ANKRD36C: variants seen among roughly 807,000 people sequenced by gnomAD.
ANKRD36C encodes the protein ankyrin repeat domain-containing protein 36C.
ANKRD36C carries 61 observed loss-of-function variants against 276.4 expected under a neutral mutation model. The observed-to-expected ratio is 0.22, with a 90% CI of 0.18 to 0.27. The LOEUF is 0.27. Ranked by LOEUF, ANKRD36C falls within the 10% of genes least tolerant of loss-of-function variation. The pLI is 1.00. For synonymous variants in ANKRD36C, 483 were observed against 680.1 expected, an observed-to-expected ratio of 0.71 and a Z score of 4.51; for missense variants, 1,447 against 2,032.3, an observed-to-expected ratio of 0.71 and a Z score of 5.54.
At chr2:95,892,044 T>C (rs1448359404) in intron 44 of ANKRD36C, among the ~76,000 whole-genome samples, 184 bp from the exon 65 acceptor site, 1 of 151,552 alleles carries the variant, frequency 6.6e-6, no homozygotes, top group African/African-American at 2.4e-5. Flanking sequence ...GAATACAGGC[T>C]CCATGAAATA....
At chr2:95,871,423 A>T (rs1675808884) in intron 59 of ANKRD36C, among the ~76,000 whole-genome samples, 1 of 152,192 alleles carries the variant, frequency 6.6e-6, no homozygotes, top group Non-Finnish European at 1.5e-5. Flanking sequence ...ACTAAGCTTC[A>T]TAAGTGAAGG....
chr2:95,934,022 T>C (rs1208061132), intron 24 of ANKRD36C, among the ~76,000 whole-genome samples: 1 of 152,300 alleles, frequency 6.6e-6, no homozygotes, highest in Non-Finnish European at 1.5e-5. Flanking sequence ...TCACTGATCA[T>C]TAGAGAAATG....
At chr2:95,893,828 A>C in intron 44 of ANKRD36C, 104 bp from the exon 63 acceptor site, 1 of 1,572,798 alleles carries the variant, frequency 6.4e-7, no homozygotes, top group Non-Finnish European at 8.6e-7. Context: ...TGCCTGTATT[A>C]GCGTAGGCTT....
intron 24 of ANKRD36C, 142 bp from the exon 25 acceptor site, chr2:95,929,409 T>A (rs1270367608): frequency 1.8e-5 from 11 of 623,426 alleles, no homozygotes; most frequent in Non-Finnish European, 3.1e-5. Flanking sequence ...ATACTTTGTT[T>A]CTTGGGACTA....
intron 59 of ANKRD36C, among the ~76,000 whole-genome samples, chr2:95,874,147 A>G (rs1182158621): frequency 1.3e-5 from 2 of 152,112 alleles, no homozygotes; most frequent in Non-Finnish European, 2.9e-5. Flanking sequence ...CAAGCTCCCA[A>G]AGACTTTCTT....
chr2:95,911,893 C>T (rs1044580330), intron 42 of ANKRD36C, among the ~76,000 whole-genome samples: 165 of 151,352 alleles, frequency 1.1e-3, no homozygotes, highest in Non-Finnish European at 1.7e-3. Context: ...TTTAGCACTA[C>T]GATGTGACGT....
chr2:95,930,540 T>C (rs1258031946), intron 24 of ANKRD36C, among the ~76,000 whole-genome samples: 2 of 151,568 alleles, frequency 1.3e-5, no homozygotes, highest in African/African-American at 2.4e-5. Flanking sequence ...TGCAAAAACA[T>C]ACACATCAAT....
chr2:95,890,533 G>C (rs924632303), intron 46 of ANKRD36C, among the ~76,000 whole-genome samples: 28 of 151,620 alleles, frequency 1.8e-4, no homozygotes, highest in African/African-American at 6.8e-4. Context: ...ATATCTGCTT[G>C]CTGATACCTA....
intron 36 of ANKRD36C, among the ~76,000 whole-genome samples, chr2:95,917,024 T>C (rs1201058214): frequency 1.3e-5 from 2 of 151,628 alleles, no homozygotes; most frequent in Non-Finnish European, 3.0e-5. Flanking sequence ...AATAGCCTTG[T>C]TGGGAGTATC....
chr2:95,850,247 A>C (rs1675262514), downstream of ANKRD36C, among the ~76,000 whole-genome samples: 1 of 152,294 alleles, frequency 6.6e-6, no homozygotes, highest in South Asian at 2.1e-4. Flanking sequence ...GTACTAGGAC[A>C]AGCACTGGAA....
rs1677200782 is a variant in ANKRD36C at position 95,919,271 on chromosome 2, T to C, written c.2246-1229A>G. Reference sequence around the variant, plus strand: ...TTCCTGCCTGACAATCCATCATCCTTGGGAAAATAATTGCTACATCAGGGG... The same window carrying C: ...TTCCTGCCTGACAATCCATCATCCTCGGGAAAATAATTGCTACATCAGGGG... On this transcript the variant is annotated intron_variant, in intron 34 of 66. Transcript: ENST00000456556. Among the ~76,000 whole-genome samples the C allele has an allele frequency of 1.5e-5, 2 of 133,586 alleles. 1 individual carries two copies. 87.6% of individuals were successfully genotyped at this position (133,586 alleles called of 152,430 possible). A position where few individuals can be genotyped will look rare whatever the true frequency, so the allele number is the denominator to read the frequency against.
chr2:95,903,258 T>C lies in ANKRD36C; in HGVS notation c.2654-3922A>G, dbSNP rs1248443139. On this transcript the variant is annotated intron_variant, in intron 42 of 66. Coordinates refer to ENST00000456556, the Ensembl canonical transcript of ANKRD36C. ...ACGGAAATATGCTGAGAAAAGGGAA[T>C]ACAGGCTCCACGAAATATAGTCTTA... Among the ~76,000 whole-genome samples, 2 of 150,566 alleles carry C rather than the reference T, an allele frequency of 1.3e-5. 1 individual carries two copies. Among genetic ancestry groups the C allele is most frequent in the Non-Finnish European group, 3.0e-5 (2 of 67,336 alleles).
intron 44 of ANKRD36C, chr2:95,893,576 C>T (rs1431455449): frequency 6.4e-7 from 1 of 1,566,814 alleles, no homozygotes; most frequent in South Asian, 1.2e-5. Flanking sequence ...TGGCTATATT[C>T]AAAACAGAAT....
chr2:95,953,340 C>A (rs1318701062), intron 14 of ANKRD36C, among the ~76,000 whole-genome samples: 1 of 152,056 alleles, frequency 6.6e-6, no homozygotes, highest in Non-Finnish European at 1.5e-5. Flanking sequence ...ATAGGTGGGA[C>A]TACAGGCACA....
At chr2:95,927,584 G>A (rs913853910) in intron 26 of ANKRD36C, among the ~76,000 whole-genome samples, 175 bp from the exon 27 acceptor site, 9 of 151,512 alleles carry the variant, frequency 5.9e-5, no homozygotes, top group African/African-American at 1.7e-4. Flanking sequence ...GAAAAAAAAG[G>A]AATACAGCCT....
At chr2:95,893,807 C>T (rs1055874933) in intron 44 of ANKRD36C, 83 bp from the exon 63 acceptor site, 2 of 1,591,852 alleles carry the variant, frequency 1.3e-6, no homozygotes, top group Non-Finnish European at 1.7e-6. Context: ...TAGCATCAAA[C>T]TCTGTCCTCC....
At chr2:95,911,818 C>A (rs1676935072) in intron 42 of ANKRD36C, among the ~76,000 whole-genome samples, 1 of 151,448 alleles carries the variant, frequency 6.6e-6, no homozygotes, top group African/African-American at 2.4e-5. Flanking sequence ...ATTGCTACAT[C>A]AGGGGTCTCC....
intron 13 of ANKRD36C, among the ~76,000 whole-genome samples, chr2:95,955,599 C>A (rs530913739): frequency 1.2e-4 from 18 of 152,232 alleles, no homozygotes; most frequent in East Asian, 7.7e-4. Context: ...CAGCTCATTC[C>A]ATTCTCATCC....
intron 24 of ANKRD36C, among the ~76,000 whole-genome samples, chr2:95,932,816 A>G (rs1051724299): frequency 9.0e-3 from 1,253 of 139,744 alleles, no homozygotes; most frequent in African/African-American, 0.04. Flanking sequence ...TTTTGTTGCC[A>G]TTGCTTTTGG....
Sources: gnomAD v4.1 joint callset for allele counts (sites outside exome capture counted in the v4.1 genomes callset) on GRCh38, gnomAD v4.1.1 for gene constraint, MANE v1.5 for transcripts, NCBI Gene and HGNC (gene_info 2026-07-23, HGNC 2026-07-21) for gene names.